DYNC1H1: variants seen among roughly 807,000 people sequenced by gnomAD.
DYNC1H1 encodes dynein cytoplasmic 1 heavy chain 1.
Under a neutral mutation model 527.1 loss-of-function variants are expected in DYNC1H1, and 51 were observed. The ratio of observed to expected loss-of-function variants is 0.10; its 90% CI spans 0.08 to 0.12. The LOEUF is 0.12. Among genes scored for constraint, DYNC1H1 ranks in the 10% least tolerant of loss-of-function variants. The pLI, the probability that DYNC1H1 is intolerant of heterozygous loss-of-function variation, is 1.00. For missense variants in DYNC1H1, 2,771 were observed against 5,971.8 expected, an observed-to-expected ratio of 0.46 and a Z score of 17.66; for synonymous variants, 2,189 against 2,278.8, an observed-to-expected ratio of 0.96 and a Z score of 1.12.
At position 102,030,055 on chromosome 14, in the gene DYNC1H1, A is replaced by AGTGTGTGTGT. The variant is rs1429604472; in HGVS notation, c.9763-106_9763-105insTGTGTGTGTG. 1.4e-4 allele frequency: 219 copies of AGTGTGTGTGT among 1,560,970 alleles called. No individual in the cohort carries two copies. The African/African-American group carries it at 1.5e-3, about 11-fold the overall frequency. ...GTTAGAGAGAGGGAGGGAGGGAGAG[A>AGTGTGTGTGT]GAGTGTGTGTGTGTGTGTGTGTTGG... On this transcript the variant is annotated intron_variant, in intron 50 of 77. Transcript: ENST00000360184.
Position 101,997,627 on chromosome 14 carries a change from T to C in DYNC1H1, c.3804+353T>C, listed in dbSNP as rs1384353590. 1.3e-5 allele frequency among the ~76,000 whole-genome samples: 2 copies of C among 152,196 alleles called. No individual in the cohort carries two copies. The highest frequency in any genetic ancestry group is 2.9e-5 in the Non-Finnish European group (2 of 68,034). On this transcript the variant is annotated intron_variant, in intron 16 of 77. Coordinates refer to ENST00000360184, the MANE Select transcript of DYNC1H1 (RefSeq NM_001376.5). The surrounding 1 kb of genome is among the most constrained non-coding windows in gnomAD (Gnocchi z 4.8). The stretch of plus-strand genomic sequence containing the variant: ...AGTTAATTTAATTTTGGTTGGATGG[T>C]CTCTGTTTTTGCCAGTGCTGCCAGT...
rs10129889 is a variant in DYNC1H1, at chr14:102,041,719, C to A, written c.12087C>A (p.His4029Gln). Residue 4029 changes from histidine (H) to glutamine (Q), a missense_variant, in exon 65 of 78, where the codon CAC becomes CAA. Physicochemically the swap from His to Gln is conservative, Grantham distance 24 (BLOSUM62 0). Transcript: ENST00000360184. This position sits in a 1 kb window ranked among gnomAD's most constrained non-coding sequence, Gnocchi z 4.5. ...TGGAGCAGCCGCTCGACCTGACCCA[C>A]ATTGTGGGCACAGAGGTAATGTCCT... ...SIMEQPLDLT[H>Q]IVGTEVKPNT... The A allele has an allele frequency of 0.073, 117,521 of 1,614,016 alleles. 6,314 individuals carry two copies. Among genetic ancestry groups the A allele is most frequent in the African/African-American group, 0.28 (20,633 of 74,992 alleles).
At chr14:102,023,819 G>C (rs1166126370) in intron 43 of DYNC1H1, 1 of 152,246 alleles carries the variant, frequency 6.6e-6, no homozygotes, top group Admixed American at 6.5e-5. Flanking sequence ...TCCAGCCTGG[G>C]CAACAGAGTG....
Position 102,020,268 on chromosome 14 carries a change from C to G in DYNC1H1, c.8507+212C>G, listed in dbSNP as rs377584382. 2.0e-5 allele frequency among the ~76,000 whole-genome samples: 3 copies of G among 152,146 alleles called. No individual in the cohort carries two copies. The highest frequency in any genetic ancestry group is 7.2e-5 in the African/African-American group (3 of 41,438). ...CAAAGTCACAGTGCGCTGAATGCAC[C>G]GGCTGGCCCACCACTGTCTGCTTAC... On this transcript the variant is annotated intron_variant, in intron 42 of 77. Transcript: ENST00000360184. This position sits in a 1 kb window ranked among gnomAD's most constrained non-coding sequence, Gnocchi z 4.3.
rs1199888248 is a variant in DYNC1H1, at chr14:101,964,811, G to A, written c.120G>A (p.Leu40=). 4.4e-6 allele frequency: 7 copies of A among 1,604,564 alleles called. No individual in the cohort carries two copies. Among genetic ancestry groups the A allele is most frequent in the Admixed American group, 1.7e-5 (1 of 59,088 alleles). The change falls in exon 1 of 78, where the codon CTG becomes CTA. Residue 40 remains leucine, a synonymous_variant. Transcript: ENST00000360184. This position sits in a 1 kb window ranked among gnomAD's most constrained non-coding sequence, Gnocchi z 5.5. The part of the protein sequence containing the change: ...LQKHLRKLVP[L]LLEDGGEAPA... ...AGCACCTGCGCAAGCTGGTGCCGCT[G>A]CTGCTGGAGGACGGCGGCGAGGCGC...
At position 102,001,504 on chromosome 14, in the gene DYNC1H1, G is replaced by C. The variant is rs1455062770; in HGVS notation, c.4396-31G>C. 6.2e-7 allele frequency: 1 copy of C among 1,614,086 alleles called. No individual in the cohort carries two copies. The stretch of plus-strand genomic sequence containing the variant: ...TGCAGGTAGTGAATGCCCACATATT[G>C]ATAACATGCATCTTTCTGGTTTGAA... On this transcript the variant is annotated intron_variant, in intron 20 of 77. Coordinates refer to ENST00000360184, the MANE Select transcript of DYNC1H1 (RefSeq NM_001376.5). The surrounding 1 kb of genome is among the most constrained non-coding windows in gnomAD (Gnocchi z 5.0).
Position 102,005,104 on chromosome 14 carries a change from C to T in DYNC1H1, c.5301C>T (p.Ser1767=). 1 of 1,614,200 alleles carries T rather than the reference C, an allele frequency of 6.2e-7. No homozygotes were observed. Among genetic ancestry groups the T allele is most frequent in the South Asian group, 1.1e-5 (1 of 91,088 alleles). ...AWSENVETAL[S]SMGGGGDAAP... is the part of the protein sequence containing the mutation. Reference sequence around the variant, plus strand: ...CTGAGAACGTGGAGACCGCACTGAGCAGCATGGGCGGAGGTGGAGATGCCG... The same window carrying T: ...CTGAGAACGTGGAGACCGCACTGAGTAGCATGGGCGGAGGTGGAGATGCCG... Residue 1767 remains serine (S), a synonymous_variant, in exon 26 of 78, where the codon AGC becomes AGT. Transcript: ENST00000360184. This position sits in a 1 kb window ranked among gnomAD's most constrained non-coding sequence, Gnocchi z 4.0.
At chr14:102,014,966 C>A in intron 34 of DYNC1H1, 139 bp from the exon 35 acceptor site, 1 of 958,902 alleles carries the variant, frequency 1.0e-6, no homozygotes, top group Non-Finnish European at 1.6e-6. Context: ...CAGGCACACG[C>A]CACCATGCCT....
At position 102,049,653 on chromosome 14, in the gene DYNC1H1, A is replaced by G; in HGVS notation, c.13516-61A>G. The G allele has an allele frequency of 6.2e-7, 1 of 1,613,264 alleles. No homozygotes were observed. On this transcript the variant is annotated intron_variant, in intron 75 of 77. Coordinates refer to ENST00000360184, the MANE Select transcript of DYNC1H1 (RefSeq NM_001376.5). The surrounding 1 kb of genome is among the most constrained non-coding windows in gnomAD (Gnocchi z 5.5). The stretch of plus-strand genomic sequence containing the variant: ...GGCTGGGGTGGGAGTGGCTCTGGGG[A>G]AAAACACAGGGCCCAGGTCTGACCT...
chr14:102,050,386 T>C, intron 77 of DYNC1H1, 49 bp from the exon 78 acceptor site: 1 of 1,614,066 alleles, frequency 6.2e-7, no homozygotes, highest in Non-Finnish European at 8.5e-7. Flanking sequence ...AGTCTTCCAG[T>C]TTTCTTACTT....
At chr14:102,047,540 AATATATATATACACACACACACAC>A (rs1595635560) in intron 72 of DYNC1H1, 4 of 206,528 alleles carry the variant, frequency 1.9e-5, no homozygotes, top group African/African-American at 7.3e-5. Flanking sequence ...CCATCTCAAA[AATATATATATACACACACACACAC>A]ATATATATAT....
Position 102,017,934 on chromosome 14 carries a change from A to G in DYNC1H1, c.8177+430A>G, listed in dbSNP as rs1007238871. ...ATCCTGGCTAACACGGTGAAACCCCATCTCTACTAAAAATACAAAAAATTA... is the reference window on the plus strand; with the variant it reads ...ATCCTGGCTAACACGGTGAAACCCCGTCTCTACTAAAAATACAAAAAATTA... On this transcript the variant is annotated intron_variant, in intron 40 of 77. Coordinates refer to ENST00000360184, the MANE Select transcript of DYNC1H1 (RefSeq NM_001376.5). This position sits in a 1 kb window ranked among gnomAD's most constrained non-coding sequence, Gnocchi z 4.6. 1.8e-4 allele frequency: 52 copies of G among 288,564 alleles called. No homozygotes were observed. The highest frequency in any genetic ancestry group is 1.7e-3 in the Admixed American group (34 of 20,322). The allele number at this position is 288,564 out of a possible 1,614,324, so 17.9% of individuals were successfully genotyped here. A position where few individuals can be genotyped will look rare whatever the true frequency, so the allele number is the denominator to read the frequency against.
At position 102,000,143 on chromosome 14, in the gene DYNC1H1, A is replaced by C. The variant is rs1456265870; in HGVS notation, c.3959A>C (p.Gln1320Pro). ...CTCAGTGGCAGTGAAGAGCGCGTGC[A>C]GGTATGAACCACTGGGGAGTGGGTG... The part of the protein sequence containing the change: ...GLLSGSEERV[Q>P]VALEELQDLK... Residue 1320 changes from glutamine to proline, a missense_variant and splice_region_variant, in exon 17 of 78, where the codon CAG (glutamine) becomes CCG (proline). Physicochemically the swap from Gln to Pro is moderately conservative, Grantham distance 76. Transcript: ENST00000360184. The C allele has an allele frequency of 6.2e-7, 1 of 1,614,194 alleles. No individual in the cohort carries two copies. The highest frequency in any genetic ancestry group is 1.7e-5 in the Admixed American group (1 of 60,012).
In DYNC1H1 at chr14:102,001,712, A is replaced by T; in HGVS notation, c.4542+31A>T. ...GTTGCTGGGGAAGCTTTCCCTCCCCACCAGTGGTCTCCCACGCTTTCACTG... is the reference window on the plus strand; with the variant it reads ...GTTGCTGGGGAAGCTTTCCCTCCCCTCCAGTGGTCTCCCACGCTTTCACTG... On this transcript the variant is annotated intron_variant, in intron 21 of 77. Transcript: ENST00000360184. This position sits in a 1 kb window ranked among gnomAD's most constrained non-coding sequence, Gnocchi z 5.0. 1.2e-6 allele frequency: 2 copies of T among 1,613,330 alleles called. No homozygotes were observed. The highest frequency in any genetic ancestry group is 1.7e-6 in the Non-Finnish European group (2 of 1,179,952).
At chr14:102,021,440 A>C (rs1036079980) in intron 42 of DYNC1H1, among the ~76,000 whole-genome samples, 3 of 152,166 alleles carry the variant, frequency 2.0e-5, no homozygotes, top group African/African-American at 7.2e-5. Flanking sequence ...CAAATGTCGC[A>C]ACAGCAGTTG....
intron 29 of DYNC1H1, among the ~76,000 whole-genome samples, chr14:102,008,933 G>A (rs1257518976): frequency 6.6e-6 from 1 of 152,218 alleles, no homozygotes; most frequent in Non-Finnish European, 1.5e-5. Context: ...CTCCCTTAGA[G>A]CTTGTGTGTT....
intron 74 of DYNC1H1, chr14:102,048,995 T>C (rs2048766724): frequency 4.6e-6 from 2 of 438,788 alleles, no homozygotes; most frequent in Non-Finnish European, 8.5e-6. Context: ...GGTTACGGCC[T>C]GTGAAGAATG....
Position 101,995,213 on chromosome 14 carries a change from C to G in DYNC1H1, c.3477C>G (p.Asp1159Glu). The change falls in exon 15 of 78, where the codon GAC (aspartate) becomes GAG (glutamate). Residue 1159 changes from aspartate to glutamate, a missense_variant. By Grantham distance (45) the Asp-to-Glu change is conservative. This residue lies in a region of DYNC1H1 where 223 missense variants were observed against 462.5 expected (regional missense o/e 0.48). Transcript: ENST00000360184. The stretch of plus-strand genomic sequence containing the variant: ...AAGAGTTGGAGCAGCACTCAGTAGA[C>G]ACGGCCAGCACCTCCGATGCAGTGA... ...SRQELEQHSV[D>E]TASTSDAVTF... 6.2e-7 allele frequency: 1 copy of G among 1,614,240 alleles called. No individual in the cohort carries two copies.
rs1348695303 is a variant in DYNC1H1, at chr14:102,053,651, T to C, written c.*3088T>C. 2.0e-5 allele frequency: 3 copies of C among 151,238 alleles called. No homozygotes were observed. Among genetic ancestry groups the C allele is most frequent in the East Asian group, 3.9e-4 (2 of 5,108 alleles). The allele number at this position is 151,238 out of a possible 1,614,324, so 9.4% of individuals were successfully genotyped here. The stretch of plus-strand genomic sequence containing the variant: ...TTTTAGTAGAGACAGGGTTTCACTG[T>C]GTTAGCCAGGATGGTCTCGCTCTCC... On this transcript the variant is annotated 3_prime_UTR_variant, in exon 78 of 78. Coordinates refer to ENST00000360184, the MANE Select transcript of DYNC1H1 (RefSeq NM_001376.5).
Sources: allele counts gnomAD v4.1 joint callset (sites outside exome capture counted in the v4.1 genomes callset), GRCh38; gene constraint gnomAD v4.1.1; regional missense constraint gnomAD v4.1.1; non-coding constraint Gnocchi (gnomAD v3.1); transcripts MANE v1.5; gene names NCBI Gene and HGNC (gene_info 2026-07-23, HGNC 2026-07-21).